Variants in PABIR1 observed in about 807,000 individuals in gnomAD.
PABIR1 encodes PPP2R1A-PPP2R2A-interacting phosphatase regulator 1.
In PABIR1, 2 loss-of-function variants were observed where a neutral mutation model predicts 14.6. The ratio of observed to expected loss-of-function variants is 0.14; its 90% CI spans 0.06 to 0.43. The LOEUF (loss-of-function observed/expected upper bound fraction) is 0.43. PABIR1 is among the 20% of genes least tolerant of loss of function. The probability of loss-of-function intolerance (pLI) is 0.99; values close to 1 mark genes in which losing one functional copy is unlikely to be tolerated. For synonymous variants in PABIR1, 163 were observed against 155.4 expected, an observed-to-expected ratio of 1.05 and a Z score of -0.36; for missense variants, 294 against 379.0, an observed-to-expected ratio of 0.78 and a Z score of 1.86.
In PABIR1 at chr9:68,780,211, CGGGCGGGAGCCCGGCGGA is replaced by C. The variant is rs755694997; in HGVS notation, c.54_71del (p.Ser19_Gly24del). The C allele has an allele frequency of 1.0e-5, 16 of 1,536,892 alleles. No homozygotes were observed. The highest frequency in any genetic ancestry group is 2.2e-5 in the Admixed American group (1 of 45,834). On this transcript the variant is annotated inframe_deletion, in exon 1 of 1. Coordinates refer to ENST00000394264, the MANE Select transcript of PABIR1 (RefSeq NM_138333.5). The stretch of plus-strand genomic sequence containing the variant: ...CTAGACCTGGAGCTGCCTCCGGGTA[CGGGCGGGAGCCCGGCGGA>C]GGGCGGTGGCAGCGGCGGCGGCGGG...
At position 68,785,531 on chromosome 9, in the gene PABIR1, A is replaced by G. The variant is rs1831561662; in HGVS notation, c.*4503A>G. Among the ~76,000 whole-genome samples the G allele has an allele frequency of 6.6e-6, 1 of 152,264 alleles. No individual in the cohort carries two copies. Among genetic ancestry groups the G allele is most frequent in the Non-Finnish European group, 1.5e-5 (1 of 68,044 alleles). On this transcript the variant is annotated 3_prime_UTR_variant, in exon 1 of 1. Coordinates refer to ENST00000394264, the MANE Select transcript of PABIR1 (RefSeq NM_138333.5). Reference sequence around the variant, plus strand: ...TCTTAAAAGTTGAAATGACCTTTGTATAAAAAGTAATAAAATACTTGCTAT... The same window carrying G: ...TCTTAAAAGTTGAAATGACCTTTGTGTAAAAAGTAATAAAATACTTGCTAT...
rs892329993 is a variant in PABIR1, at chr9:68,783,159, C to T, written c.*2131C>T. 2 of 167,048 alleles carry T rather than the reference C, an allele frequency of 1.2e-5. No homozygotes were observed. The highest frequency in any genetic ancestry group is 2.9e-5 in the Non-Finnish European group (2 of 68,132). The allele number at this position is 167,048 out of a possible 1,614,324, so 10.3% of individuals were successfully genotyped here. On this transcript the variant is annotated 3_prime_UTR_variant, in exon 1 of 1. Coordinates refer to ENST00000394264, the MANE Select transcript of PABIR1 (RefSeq NM_138333.5). ...TCTTGCTTGAAAACTTCACTTGCTT[C>T]CCCATTTCCTACTCTTTAAGGAATG...
In PABIR1 at chr9:68,785,495, T is replaced by TA. The variant is rs1477848287; in HGVS notation, c.*4474dup. Among the ~76,000 whole-genome samples, 1 of 152,110 alleles carries TA rather than the reference T, an allele frequency of 6.6e-6. No individual in the cohort carries two copies. Among genetic ancestry groups the TA allele is most frequent in the African/African-American group, 2.4e-5 (1 of 41,416 alleles). On this transcript the variant is annotated 3_prime_UTR_variant, in exon 1 of 1. Coordinates refer to ENST00000394264, the MANE Select transcript of PABIR1 (RefSeq NM_138333.5). ...TGGCTTCTGTAACTTGCCATCCAAG[T>TA]AAAAAAATTTTCTTAAAAGTTGAAA... is the stretch of plus-strand genomic sequence containing the variant.
rs1831476274 is a variant in PABIR1 at position 68,784,200 on chromosome 9, A to G, written c.*3172A>G. The G allele has an allele frequency of 6.0e-6, 1 of 167,128 alleles. No homozygotes were observed. The highest frequency in any genetic ancestry group is 1.5e-5 in the Non-Finnish European group (1 of 68,124). The allele number at this position is 167,128 out of a possible 1,614,324, so 10.4% of individuals were successfully genotyped here. ...CATAACGTCCATCATTATTCTGTAGACTGTAAGGGCTTACTTAGCTCGTGT... is the reference window on the plus strand; with the variant it reads ...CATAACGTCCATCATTATTCTGTAGGCTGTAAGGGCTTACTTAGCTCGTGT... On this transcript the variant is annotated 3_prime_UTR_variant, in exon 1 of 1. Transcript: ENST00000394264.
In PABIR1 at chr9:68,780,356, G is replaced by A; in HGVS notation, c.192G>A (p.Thr64=). The A allele has an allele frequency of 6.2e-7, 1 of 1,612,202 alleles. No individual in the cohort carries two copies. The highest frequency in any genetic ancestry group is 1.3e-5 in the African/African-American group (1 of 75,024). The change falls in exon 1 of 1, where the codon ACG becomes ACA. Residue 64 remains threonine (T), a synonymous_variant. Coordinates refer to ENST00000394264, the MANE Select transcript of PABIR1 (RefSeq NM_138333.5). ...CGAGCGCCAGGCGGAACAGCACAAC[G>A]TTCCCGAGCCGCCACGGCCTGCTGC... ...EAPSARRNST[T]FPSRHGLLLP...
In PABIR1 at chr9:68,781,082, G is replaced by A. The variant is rs1261131131; in HGVS notation, c.*54G>A. 1.3e-6 allele frequency: 2 copies of A among 1,553,404 alleles called. No individual in the cohort carries two copies. Among genetic ancestry groups the A allele is most frequent in the East Asian group, 4.5e-5 (2 of 44,308 alleles). Reference sequence around the variant, plus strand: ...AGTGGAGAGAGAGAATAATCTAGTTGGGGCAAACACTGAACTTTGTCAATT... The same window carrying A: ...AGTGGAGAGAGAGAATAATCTAGTTAGGGCAAACACTGAACTTTGTCAATT... On this transcript the variant is annotated 3_prime_UTR_variant, in exon 1 of 1. Transcript: ENST00000394264.
rs1831258132 is a variant in PABIR1 at position 68,781,289 on chromosome 9, AATAC to A, written c.*265_*268del. ...CATCTTTACGCTGCTAATATGTCTA[AATAC>A]ATATGTTATCCCTTGATTTTTTTAA... On this transcript the variant is annotated 3_prime_UTR_variant, in exon 1 of 1. Coordinates refer to ENST00000394264, the MANE Select transcript of PABIR1 (RefSeq NM_138333.5). 2.5e-6 allele frequency: 1 copy of A among 398,444 alleles called. No individual in the cohort carries two copies. The highest frequency in any genetic ancestry group is 2.1e-5 in the African/African-American group (1 of 48,216). 24.7% of individuals were successfully genotyped at this position (398,444 alleles called of 1,614,324 possible). A position where few individuals can be genotyped will look rare whatever the true frequency, so the allele number is the denominator to read the frequency against.
At position 68,783,515 on chromosome 9, in the gene PABIR1, A is replaced by G. The variant is rs762717909; in HGVS notation, c.*2487A>G. 1.8e-5 allele frequency: 3 copies of G among 166,988 alleles called. No homozygotes were observed. In the Admixed American group the frequency reaches 2.0e-4, roughly 11 times the overall value. The allele number at this position is 166,988 out of a possible 1,614,324, so 10.3% of individuals were successfully genotyped here. A position where few individuals can be genotyped will look rare whatever the true frequency, so the allele number is the denominator to read the frequency against. Reference sequence around the variant, plus strand: ...TAAAATTCATCTTCCCTTTCCACAGATAACTTCTGTTAACAACTTGATATC... The same window carrying G: ...TAAAATTCATCTTCCCTTTCCACAGGTAACTTCTGTTAACAACTTGATATC... On this transcript the variant is annotated 3_prime_UTR_variant, in exon 1 of 1. Transcript: ENST00000394264.
At position 68,782,415 on chromosome 9, in the gene PABIR1, A is replaced by C. The variant is rs1831343082; in HGVS notation, c.*1387A>C. ...CAAAATGTTTAATAAGAATAGCAAA[A>C]ATTTTTTTATATTATGCATCCTTAT... is the stretch of plus-strand genomic sequence containing the variant. On this transcript the variant is annotated 3_prime_UTR_variant, in exon 1 of 1. Coordinates refer to ENST00000394264, the MANE Select transcript of PABIR1 (RefSeq NM_138333.5). 6.0e-6 allele frequency: 1 copy of C among 166,886 alleles called. No individual in the cohort carries two copies. The highest frequency in any genetic ancestry group is 6.5e-5 in the Admixed American group (1 of 15,288). The allele number at this position is 166,886 out of a possible 1,614,324, so 10.3% of individuals were successfully genotyped here.
chr9:68,780,677 T>A lies in PABIR1; in HGVS notation c.513T>A (p.Pro171=). The A allele has an allele frequency of 6.2e-7, 1 of 1,614,162 alleles. No individual in the cohort carries two copies. Among genetic ancestry groups the A allele is most frequent in the South Asian group, 1.1e-5 (1 of 91,082 alleles). The stretch of plus-strand genomic sequence containing the variant: ...GTTTTGTAAGTAGCAACGGATTGCC[T>A]CCAAGCCCTATTCCCAGCCCAACGA... The part of the protein sequence containing the change: ...LQSFVSSNGL[P]PSPIPSPTTR... Residue 171 remains proline (P), a synonymous_variant, in exon 1 of 1, where the codon CCT becomes CCA. Transcript: ENST00000394264.
Position 68,784,450 on chromosome 9 carries a change from T to G in PABIR1, c.*3422T>G, listed in dbSNP as rs965567545. On this transcript the variant is annotated 3_prime_UTR_variant, in exon 1 of 1. Coordinates refer to ENST00000394264, the MANE Select transcript of PABIR1 (RefSeq NM_138333.5). ...CAAGGCTGCTGGATGTTAGGACCCT[T>G]AAGCATACTTAAAAGATTGATTGTA... 6.0e-6 allele frequency: 1 copy of G among 166,860 alleles called. No individual in the cohort carries two copies. Among genetic ancestry groups the G allele is most frequent in the Non-Finnish European group, 1.5e-5 (1 of 68,128 alleles). The allele number at this position is 166,860 out of a possible 1,614,324, so 10.3% of individuals were successfully genotyped here. A position where few individuals can be genotyped will look rare whatever the true frequency, so the allele number is the denominator to read the frequency against.
chr9:68,781,611 TA>T lies in PABIR1; in HGVS notation c.*587del, dbSNP rs1270417420. 1 of 166,910 alleles carries T rather than the reference TA, an allele frequency of 6.0e-6. No homozygotes were observed. Among genetic ancestry groups the T allele is most frequent in the Non-Finnish European group, 1.5e-5 (1 of 68,124 alleles). The allele number at this position is 166,910 out of a possible 1,614,324, so 10.3% of individuals were successfully genotyped here. ...GGGGGAATGATTAAAGAACAAATTA[TA>T]AAAGTTTGAACAAATCTTTTCAAAT... On this transcript the variant is annotated 3_prime_UTR_variant, in exon 1 of 1. Transcript: ENST00000394264.
chr9:68,780,343 G>A lies in PABIR1; in HGVS notation c.179G>A (p.Arg60Gln). The change falls in exon 1 of 1, where the codon CGG becomes CAG. Residue 60 changes from arginine (R) to glutamine (Q), a missense_variant. This residue lies in a region of PABIR1 where 96 missense variants were observed against 102.2 expected (regional missense o/e 0.94). Coordinates refer to ENST00000394264, the MANE Select transcript of PABIR1 (RefSeq NM_138333.5). ...VFQAEAPSAR[R>Q]NSTTFPSRHG... ...CAGGCCGAGGCGCCGAGCGCCAGGC[G>A]GAACAGCACAACGTTCCCGAGCCGC... 3 of 1,608,928 alleles carry A rather than the reference G, an allele frequency of 1.9e-6. No homozygotes were observed. The highest frequency in any genetic ancestry group is 2.5e-6 in the Non-Finnish European group (3 of 1,177,666).
At position 68,780,385 on chromosome 9, in the gene PABIR1, C is replaced by A; in HGVS notation, c.221C>A (p.Pro74Gln). The change falls in exon 1 of 1, where the codon CCG becomes CAG. Residue 74 changes from proline (P) to glutamine (Q), a missense_variant. By Grantham distance (76) the Pro-to-Gln change is moderately conservative (BLOSUM62 -1). Around this residue, in one of 3 missense-constraint regions of PABIR1, gnomAD observed 103 missense variants for 175.9 expected, o/e 0.59. Transcript: ENST00000394264. ...TFPSRHGLLL[P>Q]ASPVRMHSSR... is the part of the protein sequence containing the mutation. ...CCGAGCCGCCACGGCCTGCTGCTGC[C>A]GGCCTCCCCTGTCCGCATGCACAGC... The A allele has an allele frequency of 6.2e-7, 1 of 1,613,556 alleles. No homozygotes were observed. Among genetic ancestry groups the A allele is most frequent in the South Asian group, 1.1e-5 (1 of 91,076 alleles).
rs370667386 is a variant in PABIR1, at chr9:68,781,004, A to G, written c.840A>G (p.Pro280=). ...SPAQAASPFI[P]LDELSSK is the part of the protein sequence containing the mutation. Reference sequence around the variant, plus strand: ...CCCAAGCGGCTTCTCCATTTATTCCACTAGATGAACTTTCGTCTAAGTGAT... The same window carrying G: ...CCCAAGCGGCTTCTCCATTTATTCCGCTAGATGAACTTTCGTCTAAGTGAT... Residue 280 remains proline, a synonymous_variant, in exon 1 of 1, where the codon CCA becomes CCG. Transcript: ENST00000394264. 8.1e-4 allele frequency: 1,302 copies of G among 1,613,296 alleles called. 3 individuals carry two copies. The highest frequency in any genetic ancestry group is 1.0e-3 in the Non-Finnish European group (1,177 of 1,179,482).
Position 68,781,293 on chromosome 9 carries a change from CAT to C in PABIR1, c.*268_*269del. ...TTTACGCTGCTAATATGTCTAAATA[CAT>C]ATGTTATCCCTTGATTTTTTTAAAT... On this transcript the variant is annotated 3_prime_UTR_variant, in exon 1 of 1. Transcript: ENST00000394264. 2.7e-6 allele frequency: 1 copy of C among 375,678 alleles called. No homozygotes were observed. Among genetic ancestry groups the C allele is most frequent in the Non-Finnish European group, 5.0e-6 (1 of 199,998 alleles). The allele number at this position is 375,678 out of a possible 1,614,324, so 23.3% of individuals were successfully genotyped here.
At position 68,784,984 on chromosome 9, in the gene PABIR1, TC is replaced by T. The variant is rs989953609; in HGVS notation, c.*3957del. ...GATACATGAGGATAGGGACAGGAGA[TC>T]ATTTGGAAGCTTGAGTGCAGTAAAG... On this transcript the variant is annotated 3_prime_UTR_variant, in exon 1 of 1. Coordinates refer to ENST00000394264, the MANE Select transcript of PABIR1 (RefSeq NM_138333.5). Among the ~76,000 whole-genome samples the T allele has an allele frequency of 4.6e-5, 7 of 152,090 alleles. No individual in the cohort carries two copies. The highest frequency in any genetic ancestry group is 1.7e-4 in the African/African-American group (7 of 41,382).
At position 68,781,715 on chromosome 9, in the gene PABIR1, ATAAC is replaced by A. The variant is rs1206262151; in HGVS notation, c.*690_*693del. On this transcript the variant is annotated 3_prime_UTR_variant, in exon 1 of 1. Transcript: ENST00000394264. ...AGTAATTCTAGTCAGTCATACAACT[ATAAC>A]TACTATAGAGAAAATAAAATTTTTT... 6.0e-6 allele frequency: 1 copy of A among 166,700 alleles called. No homozygotes were observed. The highest frequency in any genetic ancestry group is 1.5e-5 in the Non-Finnish European group (1 of 68,122). The allele number at this position is 166,700 out of a possible 1,614,324, so 10.3% of individuals were successfully genotyped here. A position where few individuals can be genotyped will look rare whatever the true frequency, so the allele number is the denominator to read the frequency against.
chr9:68,782,416 A>T lies in PABIR1; in HGVS notation c.*1388A>T, dbSNP rs752196730. 2.3e-4 allele frequency: 38 copies of T among 166,834 alleles called. No homozygotes were observed. The highest frequency in any genetic ancestry group is 4.0e-4 in the Non-Finnish European group (27 of 68,098). The allele number at this position is 166,834 out of a possible 1,614,324, so 10.3% of individuals were successfully genotyped here. On this transcript the variant is annotated 3_prime_UTR_variant, in exon 1 of 1. Coordinates refer to ENST00000394264, the MANE Select transcript of PABIR1 (RefSeq NM_138333.5). Reference sequence around the variant, plus strand: ...AAAATGTTTAATAAGAATAGCAAAAATTTTTTTATATTATGCATCCTTATA... The same window carrying T: ...AAAATGTTTAATAAGAATAGCAAAATTTTTTTTATATTATGCATCCTTATA...
Sources: gnomAD v4.1 joint callset for allele counts (sites outside exome capture counted in the v4.1 genomes callset) on GRCh38, gnomAD v4.1.1 for gene constraint, gnomAD v4.1.1 regional missense constraint, MANE v1.5 for transcripts, NCBI Gene and HGNC (gene_info 2026-07-23, HGNC 2026-07-21) for gene names.